The following ZNF28 variants were observed in gnomAD, a reference collection of about 807,000 sequenced individuals.
The protein encoded by ZNF28 is zinc finger protein 28.
A neutral mutation model predicts 7.2 loss-of-function variants in ZNF28; 5 were observed. That is an observed-to-expected ratio of 0.70 (90% CI 0.36 to 1.46). ZNF28 has a LOEUF of 1.46. Ranked by LOEUF, ZNF28 falls within the 40% of genes most tolerant of loss-of-function variation. ZNF28 has a pLI of 0.03. For missense variants in ZNF28, 879 were observed against 866.6 expected, an observed-to-expected ratio of 1.01 and a Z score of -0.18; for synonymous variants, 288 against 292.4, an observed-to-expected ratio of 0.99 and a Z score of 0.15.
intron 3 of ZNF28, among the ~76,000 whole-genome samples, chr19:52,803,583 C>T (rs1371264691): frequency 6.6e-6 from 1 of 152,140 alleles, no homozygotes; most frequent in East Asian, 1.9e-4. Context: ...TACTTACCAC[C>T]AGCACACAAC....
intron 2 of ZNF28, chr19:52,809,890 C>G (rs1399755547): frequency 3.8e-6 from 3 of 787,986 alleles, no homozygotes; most frequent in African/African-American, 3.4e-5. Flanking sequence ...GGATCCAGGC[C>G]GGGGCGGCGC....
intron 1 of ZNF28, among the ~76,000 whole-genome samples, chr19:52,820,601 TCTC>T (rs1174356470): frequency 2.0e-5 from 3 of 151,802 alleles, no homozygotes; most frequent in Non-Finnish European, 2.9e-5. Context: ...CTCCCTCTGT[TCTC>T]CTTGCCACCA....
chr19:52,816,852 T>TAATAATAAG (rs1568661219), intron 2 of ZNF28, among the ~76,000 whole-genome samples: 1 of 147,362 alleles, frequency 6.8e-6, no homozygotes, highest in Non-Finnish European at 1.5e-5. Context: ...ATAATAATAA[T>TAATAATAAG]AATAATAATA....
intron 3 of ZNF28, chr19:52,805,643 A>AAAAATAAATAAATAAATAAAT (rs2062927931): frequency 7.1e-6 from 1 of 140,302 alleles, no homozygotes; most frequent in Non-Finnish European, 1.5e-5. Context: ...AATAATAATA[A>AAAAATAAATAAATAAATAAAT]AAATAAATAA....
chr19:52,813,278 C>CAAAAGG (rs2063078475), intron 2 of ZNF28, among the ~76,000 whole-genome samples: 1 of 61,514 alleles, frequency 1.6e-5, no homozygotes. Context: ...AAAAGACATA[C>CAAAAGG]TGTGGAAGGA....
intron 2 of ZNF28, chr19:52,809,699 G>A (rs1489878424): frequency 1.6e-5 from 6 of 376,194 alleles, no homozygotes; most frequent in South Asian, 1.4e-4. Context: ...TCAGCTACTC[G>A]AGAGGCTGAG....
At chr19:52,803,594 A>T (rs62119624) in intron 3 of ZNF28, among the ~76,000 whole-genome samples, 5 of 152,042 alleles carry the variant, frequency 3.3e-5, no homozygotes, top group Non-Finnish European at 1.5e-5. Context: ...AGCACACAAC[A>T]TAAGAACTGA....
intron 2 of ZNF28, among the ~76,000 whole-genome samples, chr19:52,809,218 C>T (rs2062979450): frequency 6.6e-6 from 1 of 152,128 alleles, no homozygotes; most frequent in South Asian, 2.1e-4. Context: ...CTTTCAACTG[C>T]CTGACCTGGA....
rs1160239813 is a variant in ZNF28, at chr19:52,811,723, C to T, written c.16-3590G>A. 2.7e-5 allele frequency among the ~76,000 whole-genome samples: 4 copies of T among 149,390 alleles called. 1 individual carries two copies. Among genetic ancestry groups the T allele is most frequent in the African/African-American group, 1.0e-4 (4 of 39,644 alleles). ...ACCACCCCGTCTGGGAAGTGAGGAG[C>T]GTCTCCGCCCGGCAGCCGCCCCGTC... On this transcript the variant is annotated intron_variant, in intron 2 of 3. Coordinates refer to ENST00000457749, the MANE Select transcript of ZNF28 (RefSeq NM_006969.5).
chr19:52,798,438 C>G lies in ZNF28; in HGVS notation c.*1250G>C, dbSNP rs1364254580. On this transcript the variant is annotated 3_prime_UTR_variant, in exon 4 of 4. Transcript: ENST00000457749. ...CTTGCTATACTAATGGCATTTGAAA[C>G]AACTGTCTCCAAAAGGAATTGTCTG... 5 of 429,296 alleles carry G rather than the reference C, an allele frequency of 1.2e-5. No homozygotes were observed. Among genetic ancestry groups the G allele is most frequent in the Non-Finnish European group, 2.3e-5 (5 of 216,202 alleles). The allele number at this position is 429,296 out of a possible 1,614,324, so 26.6% of individuals were successfully genotyped here.
At chr19:52,809,889 C>G (rs2062993903) in intron 2 of ZNF28, 2 of 784,078 alleles carry the variant, frequency 2.6e-6, no homozygotes, top group East Asian at 2.7e-5. Flanking sequence ...GGGATCCAGG[C>G]CGGGGCGGCG....
chr19:52,810,380 TTCAG>T (rs1755204926), intron 2 of ZNF28: 2 of 1,604,890 alleles, frequency 1.2e-6, no homozygotes, highest in Admixed American at 1.7e-5. Context: ...ATGGCTGTGG[TTCAG>T]TCAACCACGT....
chr19:52,818,413 C>T (rs1345440914), intron 1 of ZNF28, among the ~76,000 whole-genome samples: 1 of 152,064 alleles, frequency 6.6e-6, no homozygotes, highest in Non-Finnish European at 1.5e-5. Context: ...CCTCTCTCTA[C>T]TAAAAATATA....
intron 2 of ZNF28, among the ~76,000 whole-genome samples, chr19:52,813,245 T>C (rs2063076176): frequency 2.8e-5 from 1 of 35,954 alleles, no homozygotes; most frequent in South Asian, 1.9e-3. Context: ...AAAACTTGAA[T>C]GGTGAAAAAA....
intron 2 of ZNF28, chr19:52,810,479 G>A (rs1226180905): frequency 6.3e-7 from 1 of 1,586,946 alleles, no homozygotes; most frequent in Non-Finnish European, 8.6e-7. Flanking sequence ...GACTTCCTTG[G>A]CCTTGGATGA....
intron 1 of ZNF28, among the ~76,000 whole-genome samples, chr19:52,820,863 C>T (rs1365012852): frequency 6.6e-6 from 1 of 152,072 alleles, no homozygotes; most frequent in Non-Finnish European, 1.5e-5. Flanking sequence ...CTTTCTCATT[C>T]TTCTTTTCTC....
chr19:52,798,711 G>A lies in ZNF28; in HGVS notation c.*977C>T, dbSNP rs1199529957. The A allele has an allele frequency of 1.8e-5, 8 of 455,348 alleles. No homozygotes were observed. The highest frequency in any genetic ancestry group is 1.3e-4 in the East Asian group (2 of 15,882). The allele number at this position is 455,348 out of a possible 1,614,324, so 28.2% of individuals were successfully genotyped here. A position where few individuals can be genotyped will look rare whatever the true frequency, so the allele number is the denominator to read the frequency against. On this transcript the variant is annotated 3_prime_UTR_variant, in exon 4 of 4. Coordinates refer to ENST00000457749, the MANE Select transcript of ZNF28 (RefSeq NM_006969.5). ...TAAGGTTTCTCTCCAGCATGAGTTC[G>A]ATGATGAATAGCAATATATGAACGA...
At position 52,801,569 on chromosome 19, in the gene ZNF28, T is replaced by C. The variant is rs150149251; in HGVS notation, c.276A>G (p.Lys92=). The C allele has an allele frequency of 2.5e-6, 4 of 1,614,222 alleles. No individual in the cohort carries two copies. In the African/African-American group the frequency reaches 5.3e-5, roughly 22 times the overall value. The change falls in exon 4 of 4, where the codon AAA becomes AAG. Residue 92 remains lysine, a synonymous_variant. Coordinates refer to ENST00000457749, the MANE Select transcript of ZNF28 (RefSeq NM_006969.5). ...IGDFCFQKIE[K]DIHGFQFQWK... is the part of the protein sequence containing the mutation. The stretch of plus-strand genomic sequence containing the variant: ...ACTGAAACTGGAAGCCATGAATGTC[T>C]TTCTCAATTTTCTGGAAGCAAAAAT...
In ZNF28 at chr19:52,804,743, G is replaced by A. The variant is rs547621236; in HGVS notation, c.143-3041C>T. ...TGGTCTCAAACTCCTGACCTCAAGC[G>A]ATCTACCCACCTTGGTCTCTGAAAG... On this transcript the variant is annotated intron_variant, in intron 3 of 3. Coordinates refer to ENST00000457749, the MANE Select transcript of ZNF28 (RefSeq NM_006969.5). Among the ~76,000 whole-genome samples the A allele has an allele frequency of 9.2e-5, 14 of 152,244 alleles. 1 individual carries two copies. The South Asian group carries it at 2.5e-3, about 27-fold the overall frequency.
Sources: gnomAD v4.1 joint callset for allele counts (sites outside exome capture counted in the v4.1 genomes callset) on GRCh38, gnomAD v4.1.1 for gene constraint, MANE v1.5 for transcripts, NCBI Gene and HGNC (gene_info 2026-07-23, HGNC 2026-07-21) for gene names.